TDP1: variants seen among roughly 807,000 people sequenced by gnomAD.
TDP1 encodes the protein tyr-DNA phosphodiesterase 1.
TDP1 carries 64 observed loss-of-function variants against 81.5 expected under a neutral mutation model. The observed-to-expected ratio is 0.79, with a 90% CI of 0.64 to 0.97. The LOEUF is 0.97. Among genes scored for constraint, TDP1 ranks in the 50% least tolerant of loss-of-function variants. The probability of loss-of-function intolerance (pLI) is 0.00; values close to 1 mark genes in which losing one functional copy is unlikely to be tolerated. For synonymous variants in TDP1, 256 were observed against 264.3 expected, an observed-to-expected ratio of 0.97 and a Z score of 0.30; for missense variants, 723 against 743.8, an observed-to-expected ratio of 0.97 and a Z score of 0.33.
At chr14:90,002,609 CAT>C (rs1309003193) in intron 14 of TDP1, among the ~76,000 whole-genome samples, 3 of 151,408 alleles carry the variant, frequency 2.0e-5, no homozygotes, top group Non-Finnish European at 4.4e-5. Flanking sequence ...GTGGCTCACA[CAT>C]GTAATCCCAG....
chr14:90,043,455 G>T lies in TDP1; in HGVS notation c.*312G>T. The T allele has an allele frequency of 1.1e-5, 5 of 445,100 alleles. No individual in the cohort carries two copies. Among genetic ancestry groups the T allele is most frequent in the South Asian group, 5.1e-5 (2 of 38,932 alleles). 27.6% of individuals were successfully genotyped at this position (445,100 alleles called of 1,614,324 possible). On this transcript the variant is annotated 3_prime_UTR_variant, in exon 17 of 17. Transcript: ENST00000335725. ...TGGGACCAGAAGTGTTTCAGCTTTT[G>T]GATTTTTTTGAATTTTGGAATATTT...
In TDP1 at chr14:90,030,771, C is replaced by CTTT. The variant is rs36117061; in HGVS notation, c.1645-2325_1645-2323dup. Among the ~76,000 whole-genome samples the CTTT allele has an allele frequency of 7.8e-4, 114 of 145,392 alleles. 1 individual carries two copies. Among genetic ancestry groups the CTTT allele is most frequent in the African/African-American group, 2.0e-3 (81 of 39,950 alleles). ...GAAGCTTGATTATCTCATTTTTACT[C>CTTT]TTTTTTTTTTTTGAGATGGAGTTTC... On this transcript the variant is annotated intron_variant, in intron 15 of 16. Transcript: ENST00000335725.
chr14:89,975,197 T>A (rs1403017636), intron 6 of TDP1, among the ~76,000 whole-genome samples: 2 of 152,180 alleles, frequency 1.3e-5, no homozygotes, highest in Admixed American at 6.5e-5. Context: ...TGCCTCAGCC[T>A]CCTAAGTAGC....
intron 6 of TDP1, among the ~76,000 whole-genome samples, chr14:89,973,207 A>G (rs923268877): frequency 1.3e-5 from 2 of 152,168 alleles, no homozygotes; most frequent in African/African-American, 4.8e-5. Flanking sequence ...CCAAAATTCC[A>G]TTGTTTTGCT....
In TDP1 at chr14:89,978,148, C is replaced by A. The variant is rs555075343; in HGVS notation, c.791+2333C>A. On this transcript the variant is annotated intron_variant, in intron 7 of 16. Coordinates refer to ENST00000335725, the MANE Select transcript of TDP1 (RefSeq NM_018319.4). ...TTCCCACCAAGGCCATGTCTCCCCC[C>A]ACCTCACCTACCCCTGTACCAGTAG... 2.6e-5 allele frequency among the ~76,000 whole-genome samples: 4 copies of A among 152,332 alleles called. No individual in the cohort carries two copies. In the South Asian group the frequency reaches 6.2e-4, roughly 24 times the overall value.
At chr14:89,995,502 A>G (rs1461126935) in intron 14 of TDP1, among the ~76,000 whole-genome samples, 2 of 152,276 alleles carry the variant, frequency 1.3e-5, no homozygotes, top group Admixed American at 6.5e-5. Context: ...AAAGAGGAAA[A>G]GGACATTGAG....
intron 1 of TDP1, chr14:89,956,352 C>G (rs1274149974): frequency 1.3e-5 from 2 of 152,278 alleles, no homozygotes; most frequent in Non-Finnish European, 1.5e-5. Flanking sequence ...TGCTCGGTTT[C>G]CCAGTATAGG....
At chr14:89,967,229 C>T (rs1049158049) in intron 4 of TDP1, 138 bp from the exon 5 acceptor site, 27 of 1,364,442 alleles carry the variant, frequency 2.0e-5, no homozygotes, top group Non-Finnish European at 2.7e-5. Context: ...TGCAGCATAA[C>T]CCTCCAGGTT....
At chr14:89,968,316 C>T (rs1243495517) in intron 5 of TDP1, among the ~76,000 whole-genome samples, 1 of 152,196 alleles carries the variant, frequency 6.6e-6, no homozygotes, top group Non-Finnish European at 1.5e-5. Flanking sequence ...CACCAGGGTT[C>T]TCAGAGACTT....
In TDP1 at chr14:89,994,526, G is replaced by T. The variant is rs35356728; in HGVS notation, c.1541+1043G>T. ...TTGATTCTGTTTCAAGGGCATTAAG[G>T]GAAGTGGAGATTAAAGTAACCCTGT... On this transcript the variant is annotated intron_variant, in intron 14 of 16. Transcript: ENST00000335725. Among the ~76,000 whole-genome samples the T allele has an allele frequency of 5.9e-3, 904 of 152,314 alleles. 6 individuals carry two copies. The highest frequency in any genetic ancestry group is 0.021 in the African/African-American group (867 of 41,546).
chr14:89,988,831 C>G, intron 10 of TDP1, 74 bp from the exon 11 acceptor site: 1 of 1,599,224 alleles, frequency 6.3e-7, no homozygotes, highest in African/African-American at 1.3e-5. Context: ...GAGCAGAAAA[C>G]TGTTTTCAAA....
chr14:89,988,868 T>G, intron 10 of TDP1, 37 bp from the exon 11 acceptor site: 1 of 1,613,726 alleles, frequency 6.2e-7, no homozygotes, highest in Non-Finnish European at 8.5e-7. Context: ...TTAAGATTAT[T>G]TGAGTCACTT....
intron 10 of TDP1, among the ~76,000 whole-genome samples, chr14:89,987,308 A>C (rs1596561959): frequency 3.3e-5 from 5 of 152,328 alleles, no homozygotes; most frequent in Admixed American, 3.3e-4. Context: ...GGTGTCCTCT[A>C]ATTCACTTCA....
chr14:89,956,320 T>C (rs942190), intron 1 of TDP1: 55,911 of 152,194 alleles, frequency 0.37, 12,112 homozygotes, highest in Middle Eastern at 0.49. Flanking sequence ...GCCCACCACG[T>C]GCCAGGCGCT....
chr14:90,033,643 G>A, intron 16 of TDP1: 1 of 247,442 alleles, frequency 4.0e-6, no homozygotes, highest in South Asian at 5.2e-5. Context: ...AGAATTTATT[G>A]GAGACTACTA....
chr14:89,960,393 G>T (rs935188299), intron 2 of TDP1, among the ~76,000 whole-genome samples: 12 of 152,140 alleles, frequency 7.9e-5, no homozygotes, highest in African/African-American at 2.9e-4. Context: ...TGGGCACTCA[G>T]ACCCCTTTAA....
At chr14:89,998,398 ATATATATATATATATATATATATATG>A (rs1252510835) in intron 14 of TDP1, among the ~76,000 whole-genome samples, 35 of 114,548 alleles carry the variant, frequency 3.1e-4, no homozygotes, top group African/African-American at 1.6e-3. Flanking sequence ...ATATATATAT[ATATATATATATATATATATATATATG>A]TATGTATGTA....
chr14:89,967,587 C>A (rs1041807936), intron 5 of TDP1, among the ~76,000 whole-genome samples, 165 bp downstream of exon 5: 1 of 152,236 alleles, frequency 6.6e-6, no homozygotes, highest in Non-Finnish European at 1.5e-5. Flanking sequence ...ATTCTTTGAT[C>A]TATTTAATCC....
intron 15 of TDP1, among the ~76,000 whole-genome samples, chr14:90,026,424 C>G (rs1052998479): frequency 9.2e-5 from 14 of 152,258 alleles, no homozygotes; most frequent in Admixed American, 2.6e-4. Context: ...CTCACCTGTC[C>G]ACATCCTATA....
Sources: gnomAD v4.1 joint callset for allele counts (sites outside exome capture counted in the v4.1 genomes callset) on GRCh38, gnomAD v4.1.1 for gene constraint, MANE v1.5 for transcripts, NCBI Gene and HGNC (gene_info 2026-07-23, HGNC 2026-07-21) for gene names.